MALRD1: variants seen among roughly 807,000 people sequenced by gnomAD.
MALRD1 encodes the protein MAM and LDL receptor class A domain containing 1.
In MALRD1, 247 loss-of-function variants were observed where a neutral mutation model predicts 242.1. The ratio of observed to expected loss-of-function variants is 1.02; its 90% CI spans 0.92 to 1.13. The LOEUF (loss-of-function observed/expected upper bound fraction) is 1.13, where lower values mean the gene tolerates loss of function less well. Ranked by LOEUF, MALRD1 falls within the 50% of genes most tolerant of loss-of-function variation. MALRD1 has a pLI of 0.00. For missense variants in MALRD1, 2,989 were observed against 2,533.1 expected, an observed-to-expected ratio of 1.18 and a Z score of -3.86; for synonymous variants, 995 against 866.6, an observed-to-expected ratio of 1.15 and a Z score of -2.60.
intron 29 of MALRD1, among the ~76,000 whole-genome samples, chr10:19,486,902 G>A (rs11593937): frequency 0.25 from 38,326 of 151,968 alleles, 5,355 homozygotes; most frequent in East Asian, 0.4. Context: ...GTGAGAGTTT[G>A]TTTAAATCTA....
rs34265758 is a variant in MALRD1 at position 19,651,124 on chromosome 10, T to TA, written c.6137+35207dup. ...ACCATTTCTCTTCTTTTTCTCTGTT[T>TA]AAAAAATTGTTAAATGGCCACAAGT... On this transcript the variant is annotated intron_variant, in intron 36 of 39. Coordinates refer to ENST00000454679, the MANE Select transcript of MALRD1 (RefSeq NM_001142308.3). Among the ~76,000 whole-genome samples the TA allele has an allele frequency of 1.3e-3, 195 of 152,312 alleles. No homozygotes were observed. In the South Asian group the frequency reaches 0.026, roughly 20 times the overall value.
Position 19,562,440 on chromosome 10 carries a change from C to G in MALRD1, c.5479-5062C>G, listed in dbSNP as rs1029049469. 3.9e-5 allele frequency among the ~76,000 whole-genome samples: 6 copies of G among 152,106 alleles called. No individual in the cohort carries two copies. The South Asian group carries it at 1.0e-3, about 26-fold the overall frequency. ...GGGTGTCCTCAAAAGAGTTCCTCCC[C>G]TCAACCTTCAGAGTATTTAACTTTC... On this transcript the variant is annotated intron_variant, in intron 32 of 39. Coordinates refer to ENST00000454679, the MANE Select transcript of MALRD1 (RefSeq NM_001142308.3).
intron 19 of MALRD1, among the ~76,000 whole-genome samples, chr10:19,279,198 ACTGGG>A (rs1840687648): frequency 6.6e-6 from 1 of 152,108 alleles, no homozygotes; most frequent in South Asian, 2.1e-4. Flanking sequence ...GTCCTTTGTG[ACTGGG>A]CCCAAGGAAC....
chr10:19,630,875 C>T (rs923966299), intron 36 of MALRD1, among the ~76,000 whole-genome samples: 2 of 151,952 alleles, frequency 1.3e-5, no homozygotes, highest in Non-Finnish European at 2.9e-5. Flanking sequence ...TATGGCAAAA[C>T]ATCATAATAT....
chr10:19,263,403 T>C (rs1357242263), intron 19 of MALRD1, among the ~76,000 whole-genome samples: 7 of 152,192 alleles, frequency 4.6e-5, no homozygotes, highest in African/African-American at 1.7e-4. Flanking sequence ...TGATAATGAG[T>C]GCCTTTTCAT....
rs1838755923 is a variant in MALRD1 at position 19,608,839 on chromosome 10, C to A, written c.6070+937C>A. On this transcript the variant is annotated intron_variant, in intron 35 of 39. Coordinates refer to ENST00000454679, the MANE Select transcript of MALRD1 (RefSeq NM_001142308.3). ...AAAGCAAATGAAAAAGTGACCAGAT[C>A]TGGCCCCATAAAATGTGCAAAGATG... Among the ~76,000 whole-genome samples, 4 of 152,014 alleles carry A rather than the reference C, an allele frequency of 2.6e-5. No individual in the cohort carries two copies. In the South Asian group the frequency reaches 8.3e-4, roughly 31 times the overall value.
At chr10:19,440,485 C>A (rs1382802370) in intron 28 of MALRD1, among the ~76,000 whole-genome samples, 1 of 151,956 alleles carries the variant, frequency 6.6e-6, no homozygotes, top group Non-Finnish European at 1.5e-5. Context: ...CTAATACTAT[C>A]CCTCCCCCCG....
At chr10:19,573,492 T>A (rs1003094840) in intron 33 of MALRD1, among the ~76,000 whole-genome samples, 4 of 152,146 alleles carry the variant, frequency 2.6e-5, no homozygotes, top group Non-Finnish European at 5.9e-5. Context: ...CATCCAACTT[T>A]AGGCAGGAAA....
chr10:19,173,908 C>T (rs893227078), intron 13 of MALRD1, among the ~76,000 whole-genome samples: 3 of 152,042 alleles, frequency 2.0e-5, no homozygotes, highest in African/African-American at 4.8e-5. Context: ...AAAGTAATAC[C>T]GTTTCCTCAC....
chr10:19,323,927 A>G, intron 21 of MALRD1, 22 bp from the exon 22 acceptor site: 1 of 1,549,518 alleles, frequency 6.5e-7, no homozygotes, highest in Non-Finnish European at 8.7e-7. Flanking sequence ...TCCTTTTATA[A>G]TATGATAAAT....
At chr10:19,342,270 C>T (rs1000320773) in intron 24 of MALRD1, among the ~76,000 whole-genome samples, 3 of 152,050 alleles carry the variant, frequency 2.0e-5, no homozygotes, top group African/African-American at 7.2e-5. Context: ...GACTGACCTG[C>T]GTCATTACTT....
intron 38 of MALRD1, among the ~76,000 whole-genome samples, chr10:19,724,585 T>C (rs1834925074): frequency 6.6e-6 from 1 of 152,104 alleles, no homozygotes; most frequent in Admixed American, 6.6e-5. Flanking sequence ...TCACTTTAAG[T>C]GGCAATGAGA....
intron 22 of MALRD1, among the ~76,000 whole-genome samples, chr10:19,325,609 T>C (rs1250854143): frequency 6.6e-6 from 1 of 152,088 alleles, no homozygotes; most frequent in African/African-American, 2.4e-5. Flanking sequence ...CATCTCTGTT[T>C]ATTGTGTTTC....
intron 38 of MALRD1, among the ~76,000 whole-genome samples, chr10:19,719,213 C>CATACATATATATATATATAT (rs1351273405): frequency 1.2e-5 from 1 of 85,436 alleles, no homozygotes; most frequent in African/African-American, 4.9e-5. Context: ...TATATATATA[C>CATACATATATATATATATAT]ACATACATAC....
chr10:19,074,997 T>C (rs1312351171), intron 2 of MALRD1, among the ~76,000 whole-genome samples: 3 of 152,074 alleles, frequency 2.0e-5, no homozygotes, highest in Non-Finnish European at 2.9e-5. Context: ...GATATTTTAC[T>C]AATGAAATTG....
intron 34 of MALRD1, among the ~76,000 whole-genome samples, chr10:19,598,868 C>T (rs1279295949): frequency 4.6e-5 from 7 of 151,954 alleles, no homozygotes; most frequent in African/African-American, 1.2e-4. Context: ...CTAGACATAG[C>T]GGGGTCACAA....
chr10:19,425,080 G>A (rs868601562), intron 28 of MALRD1, among the ~76,000 whole-genome samples: 3 of 152,112 alleles, frequency 2.0e-5, no homozygotes, highest in Non-Finnish European at 2.9e-5. Flanking sequence ...TATTTAATCA[G>A]ATCATTAAAA....
chr10:19,146,903 G>A (rs1294075809), intron 11 of MALRD1, among the ~76,000 whole-genome samples: 1 of 152,226 alleles, frequency 6.6e-6, no homozygotes, highest in East Asian at 1.9e-4. Context: ...TTTCCAATAA[G>A]TGTCTGTGAA....
At chr10:19,622,253 C>A (rs964805921) in intron 36 of MALRD1, among the ~76,000 whole-genome samples, 1 of 151,192 alleles carries the variant, frequency 6.6e-6, no homozygotes, top group African/African-American at 2.4e-5. Flanking sequence ...AAAGTTAATT[C>A]AAACAATAAA....
Sources: allele counts gnomAD v4.1 joint callset (sites outside exome capture counted in the v4.1 genomes callset), GRCh38; gene constraint gnomAD v4.1.1; transcripts MANE v1.5; gene names NCBI Gene and HGNC (gene_info 2026-07-23, HGNC 2026-07-21).